TMC2: variants seen among roughly 807,000 people sequenced by gnomAD.
TMC2 encodes transmembrane channel like 2.
TMC2 carries 102 observed loss-of-function variants against 105.9 expected under a neutral mutation model. That is an observed-to-expected ratio of 0.96 (90% CI 0.82 to 1.14). The LOEUF (loss-of-function observed/expected upper bound fraction) is 1.14, where lower values mean the gene tolerates loss of function less well. TMC2 is among the 50% of genes most tolerant of loss of function. The probability of loss-of-function intolerance (pLI) is 0.00; values close to 1 mark genes in which losing one functional copy is unlikely to be tolerated. For missense variants in TMC2, 1,093 were observed against 1,134.3 expected (o/e 0.96, Z 0.52); for synonymous variants, 402 against 422.8 (o/e 0.95, Z 0.60).
At chr20:2,572,434 C>A (rs2086111042) in intron 5 of TMC2, among the ~76,000 whole-genome samples, 165 bp downstream of exon 5, 1 of 152,194 alleles carries the variant, frequency 6.6e-6, no homozygotes, top group South Asian at 2.1e-4. Context: ...GCATGGAAAC[C>A]AATCGTATCC....
Position 2,572,172 on chromosome 20 carries a change from TAAGCAG to T in TMC2, c.555-6_555-1del. 6.2e-7 allele frequency: 1 copy of T among 1,602,490 alleles called. No homozygotes were observed. The highest frequency in any genetic ancestry group is 8.5e-7 in the Non-Finnish European group (1 of 1,172,596). ...GAAATCCTGCTTTTTTTTTTTTTTC[TAAGCAG>T]GGAGGCCCAGGAATTTGTGGAGAAG... On this transcript the variant is annotated splice_acceptor_variant and splice_polypyrimidine_tract_variant and intron_variant, in intron 4 of 19. Coordinates refer to ENST00000358864, the MANE Select transcript of TMC2 (RefSeq NM_080751.3). LOFTEE classifies it high-confidence loss of function.
At chr20:2,547,037 A>T (rs2085930279) in intron 2 of TMC2, among the ~76,000 whole-genome samples, 1 of 152,220 alleles carries the variant, frequency 6.6e-6, no homozygotes, top group South Asian at 2.1e-4. Context: ...GAAGTATAAC[A>T]TATAATTATC....
intron 2 of TMC2, among the ~76,000 whole-genome samples, chr20:2,540,346 G>C (rs573433972): frequency 6.6e-6 from 1 of 151,524 alleles, no homozygotes; most frequent in South Asian, 2.1e-4. Flanking sequence ...AGAAACCTCA[G>C]CATTTAAAAC....
chr20:2,574,567 T>C (rs2086129631), intron 5 of TMC2, among the ~76,000 whole-genome samples: 1 of 152,236 alleles, frequency 6.6e-6, no homozygotes, highest in Admixed American at 6.5e-5. Flanking sequence ...AGTTTATTGA[T>C]GTACTCAAGT....
Position 2,594,225 on chromosome 20 carries a change from C to CTTTTTTTTTTTTTTTTTTTTTTTTTT in TMC2, c.934-580_934-579insTTTTTTTTTTTTTTTTTTTTTTTTTT, listed in dbSNP as rs565664102. Among the ~76,000 whole-genome samples the CTTTTTTTTTTTTTTTTTTTTTTTTTT allele has an allele frequency of 1.8e-5, 2 of 113,760 alleles. 1 individual carries two copies. The highest frequency in any genetic ancestry group is 6.4e-5 in the African/African-American group (2 of 31,192). 74.6% of individuals were successfully genotyped at this position (113,760 alleles called of 152,430 possible). A position where few individuals can be genotyped will look rare whatever the true frequency, so the allele number is the denominator to read the frequency against. ...CCAACTATACTGTTACTAAGGATTC[C>CTTTTTTTTTTTTTTTTTTTTTTTTTT]TTTTTTTTTTTTTTTTTTTTGAGAC... On this transcript the variant is annotated intron_variant, in intron 8 of 19. Transcript: ENST00000358864.
chr20:2,589,131 T>C (rs2086250308), intron 7 of TMC2, among the ~76,000 whole-genome samples: 3 of 152,188 alleles, frequency 2.0e-5, no homozygotes, highest in Non-Finnish European at 4.4e-5. Context: ...TTGTGAGCAA[T>C]TATTGAGTTT....
At chr20:2,559,720 C>T (rs552867874) in intron 3 of TMC2, among the ~76,000 whole-genome samples, 4 of 152,120 alleles carry the variant, frequency 2.6e-5, no homozygotes, top group Admixed American at 6.5e-5. Context: ...TTTTTCCTGT[C>T]GCCATGCCAA....
intron 16 of TMC2, among the ~76,000 whole-genome samples, chr20:2,622,012 G>A (rs993602969): frequency 7.2e-5 from 11 of 152,106 alleles, no homozygotes; most frequent in Non-Finnish European, 1.3e-4. Context: ...TTTGTACATG[G>A]CGGGTATGCA....
At chr20:2,638,185 CAAA>C (rs915690753) in intron 19 of TMC2, among the ~76,000 whole-genome samples, 1 of 151,510 alleles carries the variant, frequency 6.6e-6, no homozygotes, top group African/African-American at 2.4e-5. Context: ...ACTAAAAATA[CAAA>C]AAATTAGCCG....
chr20:2,631,132 TTAATA>T (rs1269743634), intron 17 of TMC2, among the ~76,000 whole-genome samples: 1 of 60,334 alleles, frequency 1.7e-5, no homozygotes, highest in Non-Finnish European at 3.5e-5. Flanking sequence ...GAGATTATAA[TTAATA>T]TAACAAACTA....
rs980719080 is a variant in TMC2 at position 2,592,425 on chromosome 20, G to A, written c.933+17G>A. The A allele has an allele frequency of 2.0e-6, 3 of 1,506,844 alleles. No individual in the cohort carries two copies. Among genetic ancestry groups the A allele is most frequent in the East Asian group, 2.3e-5 (1 of 44,380 alleles). 93.3% of individuals were successfully genotyped at this position (1,506,844 alleles called of 1,614,324 possible). On this transcript the variant is annotated intron_variant, in intron 8 of 19. Coordinates refer to ENST00000358864, the MANE Select transcript of TMC2 (RefSeq NM_080751.3). This position sits in a 1 kb window ranked among gnomAD's most constrained non-coding sequence, Gnocchi z 4.9. ...GATTTTGAGGTACTATTGTCAACAT[G>A]CCAATGAACTTCCATTTGTGATTAT...
intron 1 of TMC2, 77 bp downstream of exon 1, chr20:2,536,732 T>C (rs2085851801): frequency 2.0e-6 from 3 of 1,478,616 alleles, no homozygotes; most frequent in Middle Eastern, 1.7e-4. Flanking sequence ...GAAGCACATA[T>C]GGTGTTCAGA....
chr20:2,542,487 C>A (rs917190613), intron 2 of TMC2, among the ~76,000 whole-genome samples: 7 of 152,118 alleles, frequency 4.6e-5, no homozygotes, highest in African/African-American at 1.7e-4. Flanking sequence ...ATATGTCCTG[C>A]TTTTAGTCCA....
In TMC2 at chr20:2,536,585, C is replaced by T. The variant is rs752660810; in HGVS notation, c.-37C>T. ...AAGGCGTGCATACAGGAGCACGCTG[C>T]GTGAGCCTGTGCAGGACCCCAGCAG... On this transcript the variant is annotated 5_prime_UTR_variant, in exon 1 of 20. Transcript: ENST00000358864. The T allele has an allele frequency of 9.0e-6, 14 of 1,558,570 alleles. No homozygotes were observed. Among genetic ancestry groups the T allele is most frequent in the South Asian group, 1.2e-5 (1 of 84,422 alleles).
At chr20:2,570,699 C>T (rs939036943) in intron 4 of TMC2, among the ~76,000 whole-genome samples, 8 of 152,004 alleles carry the variant, frequency 5.3e-5, no homozygotes, top group Admixed American at 3.9e-4. Context: ...CAAAGCTATC[C>T]TAAACAAAAA....
chr20:2,607,888 G>A (rs1422958275), intron 11 of TMC2, among the ~76,000 whole-genome samples: 1 of 152,144 alleles, frequency 6.6e-6, no homozygotes. Flanking sequence ...ACTTTGGGAG[G>A]CCAAGGCGGG....
chr20:2,565,482 A>G (rs2086057505), intron 4 of TMC2, among the ~76,000 whole-genome samples: 1 of 150,020 alleles, frequency 6.7e-6, no homozygotes, highest in South Asian at 2.2e-4. Flanking sequence ...GGCTCAAGTG[A>G]TATTCCCACC....
chr20:2,620,111 A>C (rs767213990), intron 16 of TMC2, among the ~76,000 whole-genome samples: 10 of 152,250 alleles, frequency 6.6e-5, no homozygotes, highest in South Asian at 4.2e-4. Flanking sequence ...AAGAGAAGAA[A>C]AAAACAGAAC....
chr20:2,578,635 G>T (rs2086164546), intron 5 of TMC2, among the ~76,000 whole-genome samples: 1 of 152,188 alleles, frequency 6.6e-6, no homozygotes, highest in Non-Finnish European at 1.5e-5. Context: ...GTTCCCCCAG[G>T]AGAAGAATGT....
Sources: allele counts gnomAD v4.1 joint callset (sites outside exome capture counted in the v4.1 genomes callset), GRCh38; gene constraint gnomAD v4.1.1; non-coding constraint Gnocchi (gnomAD v3.1); transcripts MANE v1.5; gene names NCBI Gene and HGNC (gene_info 2026-07-23, HGNC 2026-07-21).